UNC5D: variants seen among roughly 807,000 people sequenced by gnomAD.
UNC5D encodes the protein netrin receptor UNC5D.
In UNC5D, 39 loss-of-function variants were observed where a neutral mutation model predicts 105.4. The ratio of observed to expected loss-of-function variants is 0.37; its 90% CI spans 0.29 to 0.48. The LOEUF (loss-of-function observed/expected upper bound fraction) is 0.48. Ranked by LOEUF, UNC5D falls within the 20% of genes least tolerant of loss-of-function variation. The pLI is 0.98. For synonymous variants in UNC5D, 452 were observed against 450.4 expected (o/e 1.00, Z -0.04); for missense variants, 991 against 1,202.4 (o/e 0.82, Z 2.60).
intron 7 of UNC5D, among the ~76,000 whole-genome samples, chr8:35,696,282 ATTT>A (rs755876112): frequency 6.2e-5 from 7 of 113,198 alleles, no homozygotes; most frequent in Admixed American, 1.8e-4. Flanking sequence ...TCAATATTTA[ATTT>A]TTTTTTTTTT....
chr8:35,520,784 G>A (rs1312747666), intron 1 of UNC5D, among the ~76,000 whole-genome samples: 2 of 152,074 alleles, frequency 1.3e-5, no homozygotes, highest in Non-Finnish European at 2.9e-5. Context: ...AGTTTCACAT[G>A]AGGTTCATTA....
chr8:35,774,191 C>A (rs2131739522), intron 15 of UNC5D, 108 bp from the exon 16 acceptor site: 1 of 1,250,214 alleles, frequency 8.0e-7, no homozygotes, highest in Non-Finnish European at 1.1e-6. Context: ...TCACAACAGG[C>A]AAGCATTTTG....
At chr8:35,291,791 C>T (rs150530552) in intron 1 of UNC5D, among the ~76,000 whole-genome samples, 1 of 152,286 alleles carries the variant, frequency 6.6e-6, no homozygotes, top group East Asian at 1.9e-4. Context: ...ATAGATGTAG[C>T]TCAGAGTGCC....
intron 1 of UNC5D, among the ~76,000 whole-genome samples, chr8:35,466,882 G>A (rs1282381480): frequency 1.3e-5 from 2 of 152,178 alleles, no homozygotes; most frequent in Admixed American, 6.5e-5. Context: ...GTTTCTTTGA[G>A]CATGGTTGTA....
At chr8:35,306,271 T>G (rs951751463) in intron 1 of UNC5D, among the ~76,000 whole-genome samples, 2 of 151,966 alleles carry the variant, frequency 1.3e-5, no homozygotes, top group Non-Finnish European at 2.9e-5. Flanking sequence ...CAATATGTTC[T>G]CACCTAATGG....
At chr8:35,533,819 T>TCCATCAC (rs1319757172) in intron 1 of UNC5D, among the ~76,000 whole-genome samples, 1 of 152,156 alleles carries the variant, frequency 6.6e-6, no homozygotes, top group Non-Finnish European at 1.5e-5. Flanking sequence ...TCCAAGTGCG[T>TCCATCAC]CCATCACCCC....
At chr8:35,273,211 G>A (rs1805541919) in intron 1 of UNC5D, among the ~76,000 whole-genome samples, 1 of 152,130 alleles carries the variant, frequency 6.6e-6, no homozygotes, top group Non-Finnish European at 1.5e-5. Flanking sequence ...CAAGTTTTTG[G>A]AGTCCCCAGA....
At chr8:35,731,641 A>G (rs1057418100) in intron 11 of UNC5D, among the ~76,000 whole-genome samples, 3 of 152,172 alleles carry the variant, frequency 2.0e-5, no homozygotes, top group African/African-American at 7.2e-5. Context: ...AATGGAAAAC[A>G]GTGAATCGTT....
rs1195449810 is a variant in UNC5D at position 35,592,964 on chromosome 8, A to G, written c.467-2590A>G. Among the ~76,000 whole-genome samples, 6 of 151,794 alleles carry G rather than the reference A, an allele frequency of 4.0e-5. 1 individual carries two copies. In the East Asian group the frequency reaches 5.9e-4, roughly 15 times the overall value. ...CCTTTTCTTCTACCCAATCTTGCCT[A>G]TGTGAGATCTATTAGAAGTTCCTTG... is the stretch of plus-strand genomic sequence containing the variant. On this transcript the variant is annotated intron_variant, in intron 3 of 16. Coordinates refer to ENST00000404895, the MANE Select transcript of UNC5D (RefSeq NM_080872.4).
At chr8:35,362,931 C>T (rs1343159103) in intron 1 of UNC5D, among the ~76,000 whole-genome samples, 1 of 152,016 alleles carries the variant, frequency 6.6e-6, no homozygotes, top group African/African-American at 2.4e-5. Context: ...TTTACCAACC[C>T]ATAAATCCAC....
chr8:35,271,446 T>TAC (rs1259339143), intron 1 of UNC5D, among the ~76,000 whole-genome samples: 17 of 139,570 alleles, frequency 1.2e-4, no homozygotes, highest in African/African-American at 3.6e-4. Flanking sequence ...TGTATATGTA[T>TAC]ACACACATAT....
intron 1 of UNC5D, among the ~76,000 whole-genome samples, chr8:35,300,789 A>G (rs2128870435): frequency 6.6e-6 from 1 of 152,346 alleles, no homozygotes; most frequent in African/African-American, 2.4e-5. Flanking sequence ...TTGAGGAAAT[A>G]GTATTCTATA....
chr8:35,538,395 T>TTATATATA (rs10524805), intron 1 of UNC5D, among the ~76,000 whole-genome samples: 81 of 82,414 alleles, frequency 9.8e-4, no homozygotes, highest in Non-Finnish European at 1.5e-3. Flanking sequence ...AAAAAAATAA[T>TTATATATA]TATATATATA....
intron 1 of UNC5D, among the ~76,000 whole-genome samples, chr8:35,432,849 C>A (rs1370941214): frequency 6.6e-6 from 1 of 152,182 alleles, no homozygotes; most frequent in Non-Finnish European, 1.5e-5. Flanking sequence ...GAGGCCAAGG[C>A]AGCTTTGTCT....
intron 4 of UNC5D, among the ~76,000 whole-genome samples, chr8:35,636,456 C>T (rs896813449): frequency 3.9e-5 from 6 of 152,210 alleles, no homozygotes; most frequent in African/African-American, 1.4e-4. Flanking sequence ...GCCTGTAGAA[C>T]TCCCTGATGC....
chr8:35,461,881 TA>T (rs1198271761), intron 1 of UNC5D, among the ~76,000 whole-genome samples: 3 of 152,138 alleles, frequency 2.0e-5, no homozygotes, highest in Non-Finnish European at 2.9e-5. Flanking sequence ...CAACATTGAA[TA>T]AACTATAATA....
At chr8:35,623,858 A>G (rs921507310) in intron 4 of UNC5D, among the ~76,000 whole-genome samples, 1 of 152,164 alleles carries the variant, frequency 6.6e-6, no homozygotes, top group Non-Finnish European at 1.5e-5. Flanking sequence ...AGGCAGGCGG[A>G]TCACAAGGGT....
At chr8:35,595,263 T>A in intron 3 of UNC5D, among the ~76,000 whole-genome samples, 1 of 152,194 alleles carries the variant, frequency 6.6e-6, no homozygotes, top group East Asian at 1.9e-4. Flanking sequence ...TGGCAAAGAC[T>A]CATGAAACAA....
At chr8:35,425,722 C>CAGAAGGG (rs1806206103) in intron 1 of UNC5D, among the ~76,000 whole-genome samples, 1 of 152,160 alleles carries the variant, frequency 6.6e-6, no homozygotes, top group Admixed American at 6.6e-5. Context: ...CTACCCTGCT[C>CAGAAGGG]TGCCCTTCAG....
Sources: gnomAD v4.1 joint callset for allele counts (sites outside exome capture counted in the v4.1 genomes callset) on GRCh38, gnomAD v4.1.1 for gene constraint, MANE v1.5 for transcripts, NCBI Gene and HGNC (gene_info 2026-07-23, HGNC 2026-07-21) for gene names.